SCN8A: variants seen among roughly 807,000 people sequenced by gnomAD.
SCN8A encodes the protein sodium voltage-gated channel alpha subunit 8.
Under a neutral mutation model 184.1 loss-of-function variants are expected in SCN8A, and 30 were observed. The observed-to-expected ratio is 0.16, with a 90% CI of 0.12 to 0.22. The LOEUF (loss-of-function observed/expected upper bound fraction) is 0.22, where lower values mean the gene tolerates loss of function less well. SCN8A is among the 10% of genes least tolerant of loss of function. The pLI, the probability that SCN8A is intolerant of heterozygous loss-of-function variation, is 1.00. For synonymous variants in SCN8A, 852 were observed against 907.0 expected (o/e 0.94, Z 1.09); for missense variants, 1,057 against 2,498.9 (o/e 0.42, Z 12.30).
At chr12:51,659,025 A>G (rs534955854) in intron 1 of SCN8A, among the ~76,000 whole-genome samples, 4 of 152,320 alleles carry the variant, frequency 2.6e-5, no homozygotes, top group Admixed American at 6.5e-5. Flanking sequence ...CTACCAAAAG[A>G]CACCTACAAG....
chr12:51,652,374 T>G (rs1232986683), intron 1 of SCN8A, among the ~76,000 whole-genome samples: 1 of 152,180 alleles, frequency 6.6e-6, no homozygotes, highest in African/African-American at 2.4e-5. Context: ...TCTTCCTCAC[T>G]CTGATCTTAT....
chr12:51,657,007 G>T (rs889533028), intron 1 of SCN8A, among the ~76,000 whole-genome samples: 1 of 152,186 alleles, frequency 6.6e-6, no homozygotes, highest in East Asian at 1.9e-4. Context: ...CCACTCCTAG[G>T]TATAGACTCA....
intron 15 of SCN8A, among the ~76,000 whole-genome samples, chr12:51,765,289 A>G (rs1224647633): frequency 2.0e-5 from 3 of 151,840 alleles, no homozygotes; most frequent in Admixed American, 6.6e-5. Context: ...TTCCCATACT[A>G]GTCTTTTGGT....
intron 8 of SCN8A, among the ~76,000 whole-genome samples, chr12:51,701,861 A>G (rs1229896360): frequency 6.6e-6 from 1 of 152,166 alleles, no homozygotes; most frequent in Non-Finnish European, 1.5e-5. Flanking sequence ...GTGTTTTAAC[A>G]TGACCACAAT....
intron 23 of SCN8A, among the ~76,000 whole-genome samples, 152 bp from the exon 24 acceptor site, chr12:51,789,129 G>T (rs1212691688): frequency 1.3e-5 from 2 of 152,184 alleles, no homozygotes; most frequent in Non-Finnish European, 2.9e-5. Context: ...GGCCATGCCA[G>T]TGTAGAGAAG....
At position 51,712,944 on chromosome 12, in the gene SCN8A, G is replaced by T. The variant is rs1360788878; in HGVS notation, c.1635+6229G>T. On this transcript the variant is annotated intron_variant, in intron 11 of 26. Transcript: ENST00000627620. ...AGCTTCCTCCGCAACCCATAAAATTGCCAGATCCACCTCCACGACCTGTCC... is the reference window on the plus strand; with the variant it reads ...AGCTTCCTCCGCAACCCATAAAATTTCCAGATCCACCTCCACGACCTGTCC... The T allele has an allele frequency of 5.6e-6, 9 of 1,593,488 alleles. No individual in the cohort carries two copies. The East Asian group carries it at 2.0e-4, about 36-fold the overall frequency.
At position 51,663,112 on chromosome 12, in the gene SCN8A, A is replaced by C. The variant is rs754480753; in HGVS notation, c.276+19A>C. 6.2e-7 allele frequency: 1 copy of C among 1,611,422 alleles called. No individual in the cohort carries two copies. ...GCAGAAAGTGAGTTGGAGGAGGAGG[A>C]GCAGCTGCAGATACCTGTTTCCTAA... On this transcript the variant is annotated intron_variant, in intron 2 of 26. Transcript: ENST00000627620.
chr12:51,646,771 G>C lies in SCN8A; in HGVS notation c.-54-15993G>C, dbSNP rs146290520. Among the ~76,000 whole-genome samples, 10 of 152,188 alleles carry C rather than the reference G, an allele frequency of 6.6e-5. No homozygotes were observed. The East Asian group carries it at 1.5e-3, about 23-fold the overall frequency. ...GGAAGAAATAAAAGAAACATGGAAAGCAAGTTAAATTTGAAGAAAAAATAG... is the reference window on the plus strand; with the variant it reads ...GGAAGAAATAAAAGAAACATGGAAACCAAGTTAAATTTGAAGAAAAAATAG... On this transcript the variant is annotated intron_variant, in intron 1 of 26. Transcript: ENST00000627620.
intron 14 of SCN8A, among the ~76,000 whole-genome samples, chr12:51,758,788 A>G (rs1353447530): frequency 1.3e-5 from 2 of 151,924 alleles, no homozygotes; most frequent in South Asian, 2.1e-4. Flanking sequence ...CTGTTTCTAC[A>G]TTCAGTCTGT....
chr12:51,740,521 G>C (rs1385729634), intron 12 of SCN8A, among the ~76,000 whole-genome samples: 16 of 152,078 alleles, frequency 1.1e-4, no homozygotes, highest in Admixed American at 1.0e-3. Flanking sequence ...AAAAATGCTG[G>C]ATATTTCAAA....
Position 51,684,236 on chromosome 12 carries a change from C to A in SCN8A, c.339C>A (p.Tyr113Ter). ...LFRFSATPAL[Y>*]ILSPFNLIRR... is the part of the protein sequence containing the mutation. ...GATTTAGTGCCACGCCTGCCTTGTA[C>A]ATTTTAAGTCCTTTTAACCTGATAA... Residue 113 changes from tyrosine to a stop codon, truncating the protein, a stop_gained, in exon 3 of 27, where the codon TAC (tyrosine) becomes TAA (stop). Transcript: ENST00000627620. LOFTEE classifies it high-confidence loss of function. The A allele has an allele frequency of 6.2e-7, 1 of 1,609,132 alleles. No homozygotes were observed. Among genetic ancestry groups the A allele is most frequent in the Non-Finnish European group, 8.5e-7 (1 of 1,175,506 alleles).
intron 25 of SCN8A, among the ~76,000 whole-genome samples, chr12:51,791,058 T>C (rs1211814920): frequency 6.6e-6 from 1 of 152,190 alleles, no homozygotes; most frequent in Non-Finnish European, 1.5e-5. Flanking sequence ...CATTGTTCCA[T>C]TGGTGATGGT....
chr12:51,664,986 G>C (rs899613457), intron 2 of SCN8A, among the ~76,000 whole-genome samples: 3 of 152,148 alleles, frequency 2.0e-5, no homozygotes, highest in African/African-American at 7.2e-5. Context: ...TGTGGTGTTT[G>C]GTTTTCTGTT....
chr12:51,804,385 C>T (rs182301644), intron 26 of SCN8A, among the ~76,000 whole-genome samples: 2 of 149,492 alleles, frequency 1.3e-5, no homozygotes, highest in Non-Finnish European at 3.0e-5. Flanking sequence ...GGGGTGTGAT[C>T]TCAGCTCACT....
intron 2 of SCN8A, among the ~76,000 whole-genome samples, chr12:51,665,671 G>A (rs1941019422): frequency 6.6e-6 from 1 of 152,142 alleles, no homozygotes; most frequent in Non-Finnish European, 1.5e-5. Flanking sequence ...CATTCTCCTA[G>A]GGTGCCAGCT....
chr12:51,707,141 A>G (rs1370673922), intron 11 of SCN8A, among the ~76,000 whole-genome samples: 3 of 152,084 alleles, frequency 2.0e-5, no homozygotes, highest in African/African-American at 7.2e-5. Flanking sequence ...TTGATTTCAT[A>G]TTTTGTCTAT....
At chr12:51,659,581 C>T (rs553169374) in intron 1 of SCN8A, among the ~76,000 whole-genome samples, 20 of 152,204 alleles carry the variant, frequency 1.3e-4, no homozygotes, top group Admixed American at 1.2e-3. Flanking sequence ...AGTGAAATGG[C>T]AGAAATTTGG....
At chr12:51,627,998 A>G (rs764836113) in intron 1 of SCN8A, among the ~76,000 whole-genome samples, 3 of 152,232 alleles carry the variant, frequency 2.0e-5, no homozygotes, top group Non-Finnish European at 2.9e-5. Flanking sequence ...AAAGCAGGAT[A>G]TATGCAAGTG....
intron 2 of SCN8A, among the ~76,000 whole-genome samples, chr12:51,668,636 G>A (rs550984568): frequency 1.4e-4 from 22 of 152,234 alleles, no homozygotes; most frequent in African/African-American, 5.1e-4. Context: ...CTGGGGGAAA[G>A]GATTCATGTT....
Sources: allele counts gnomAD v4.1 joint callset (sites outside exome capture counted in the v4.1 genomes callset), GRCh38; gene constraint gnomAD v4.1.1; transcripts MANE v1.5; gene names NCBI Gene and HGNC (gene_info 2026-07-23, HGNC 2026-07-21).